The following GRID2 variants were observed in gnomAD, a reference collection of about 807,000 sequenced individuals.
GRID2 encodes the protein glutamate ionotropic receptor delta type subunit 2, also known as glutamate receptor ionotropic, delta-2.
GRID2 carries 33 observed loss-of-function variants against 114.8 expected under a neutral mutation model. The observed-to-expected ratio is 0.29, with a 90% CI of 0.22 to 0.38. GRID2 has a LOEUF of 0.38. Among genes scored for constraint, GRID2 ranks in the 10% least tolerant of loss-of-function variants. GRID2 has a pLI of 1.00. For missense variants in GRID2, 1,184 were observed against 1,257.7 expected (o/e 0.94, Z 0.89); for synonymous variants, 505 against 449.9 (o/e 1.12, Z -1.55).
At chr4:93,471,106 T>A (rs1252695006) in intron 11 of GRID2, among the ~76,000 whole-genome samples, 1 of 152,092 alleles carries the variant, frequency 6.6e-6, no homozygotes, top group African/African-American at 2.4e-5. Context: ...AAATAAGATA[T>A]TAAAATATAG....
intron 2 of GRID2, among the ~76,000 whole-genome samples, chr4:92,804,996 TA>T (rs1226224899): frequency 1.3e-5 from 2 of 152,042 alleles, no homozygotes; most frequent in East Asian, 1.9e-4. Context: ...TACTGGCTAA[TA>T]TTTCTTCTGA....
At chr4:93,249,980 C>A (rs1191281371) in intron 8 of GRID2, among the ~76,000 whole-genome samples, 1 of 152,152 alleles carries the variant, frequency 6.6e-6, no homozygotes, top group Non-Finnish European at 1.5e-5. Context: ...TTTGACCCAG[C>A]AATCCCATTA....
At chr4:92,635,617 A>G (rs1489383134) in intron 2 of GRID2, among the ~76,000 whole-genome samples, 1 of 152,084 alleles carries the variant, frequency 6.6e-6, no homozygotes, top group Non-Finnish European at 1.5e-5. Context: ...TTTAGGAAAG[A>G]AAATACGTTG....
intron 8 of GRID2, among the ~76,000 whole-genome samples, chr4:93,375,748 A>T (rs1218000868): frequency 6.6e-6 from 1 of 152,210 alleles, no homozygotes; most frequent in Non-Finnish European, 1.5e-5. Flanking sequence ...TTAATCAAAT[A>T]ATTACTGAAG....
chr4:92,614,887 A>G (rs1005527735), intron 2 of GRID2, among the ~76,000 whole-genome samples: 5 of 149,926 alleles, frequency 3.3e-5, no homozygotes, highest in African/African-American at 1.2e-4. Context: ...TCAGGTATTT[A>G]CATGTTTAGA....
intron 1 of GRID2, among the ~76,000 whole-genome samples, chr4:92,501,920 A>G (rs545794541): frequency 6.6e-6 from 1 of 152,306 alleles, no homozygotes; most frequent in East Asian, 1.9e-4. Flanking sequence ...TTGTTTCTGG[A>G]TATAGGCATA....
intron 1 of GRID2, among the ~76,000 whole-genome samples, chr4:92,537,783 C>CGG (rs35878323): frequency 0.012 from 977 of 79,430 alleles, 6 homozygotes; most frequent in African/African-American, 0.031. Flanking sequence ...CAAAAACTTG[C>CGG]GGTGTGTGTG....
At chr4:93,599,109 C>A (rs1739414361) in intron 13 of GRID2, among the ~76,000 whole-genome samples, 1 of 152,166 alleles carries the variant, frequency 6.6e-6, no homozygotes, top group African/African-American at 2.4e-5. Flanking sequence ...GGAAATGATA[C>A]TGTCTCCTTT....
chr4:93,677,951 G>GAGA (rs369489515), intron 14 of GRID2, among the ~76,000 whole-genome samples: 83,835 of 149,004 alleles, frequency 0.56, 25,084 homozygotes, highest in African/African-American at 0.78. Context: ...GACGAGTTGA[G>GAGA]AGAAGGCTTC....
chr4:93,666,161 C>A (rs2149744532), intron 14 of GRID2, among the ~76,000 whole-genome samples: 1 of 152,154 alleles, frequency 6.6e-6, no homozygotes, highest in Non-Finnish European at 1.5e-5. Context: ...TAGTTTTTAT[C>A]TGCTATGTCT....
chr4:93,376,828 G>A (rs544581838), intron 8 of GRID2, among the ~76,000 whole-genome samples: 1 of 152,282 alleles, frequency 6.6e-6, no homozygotes, highest in African/African-American at 2.4e-5. Context: ...CCGGGGTGGA[G>A]TGCAGAGAGG....
intron 1 of GRID2, among the ~76,000 whole-genome samples, chr4:92,363,006 G>GAGA (rs35970625): frequency 0.19 from 28,314 of 151,842 alleles, 3,790 homozygotes; most frequent in African/African-American, 0.39. Context: ...TCAGAAGAGA[G>GAGA]AGGAGAAAAA....
chr4:93,196,511 T>TC (rs1741507441), intron 4 of GRID2, among the ~76,000 whole-genome samples: 1 of 152,036 alleles, frequency 6.6e-6, no homozygotes, highest in Non-Finnish European at 1.5e-5. Context: ...GAAAGCAAAA[T>TC]CCCCATGTAA....
At chr4:92,951,159 G>T (rs1752003535) in intron 2 of GRID2, among the ~76,000 whole-genome samples, 2 of 151,864 alleles carry the variant, frequency 1.3e-5, no homozygotes, top group Admixed American at 1.3e-4. Flanking sequence ...GTTTTCTGAT[G>T]TTTTCACTAC....
intron 2 of GRID2, 67 bp downstream of exon 2, chr4:92,590,353 GA>G: frequency 8.9e-7 from 1 of 1,121,902 alleles, no homozygotes; most frequent in Non-Finnish European, 1.3e-6. Flanking sequence ...TATCTTTGAT[GA>G]AACTTATTAA....
chr4:92,469,667 T>C (rs1721930179), intron 1 of GRID2, among the ~76,000 whole-genome samples: 1 of 151,048 alleles, frequency 6.6e-6, no homozygotes, highest in Admixed American at 6.6e-5. Context: ...AAGAGAGTAA[T>C]AGAAAGAAAG....
chr4:93,757,082 G>A (rs1732812287), intron 14 of GRID2, among the ~76,000 whole-genome samples: 2 of 152,306 alleles, frequency 1.3e-5, no homozygotes, highest in South Asian at 4.1e-4. Flanking sequence ...CTTCACAGAA[G>A]CATGAGAAAA....
At chr4:93,737,349 C>A (rs572603556) in intron 14 of GRID2, among the ~76,000 whole-genome samples, 1 of 152,072 alleles carries the variant, frequency 6.6e-6, no homozygotes, top group South Asian at 2.1e-4. Context: ...ATGATCCTAC[C>A]TTCTACACCT....
At chr4:92,477,038 CATGTGTGTGTGTGTGTGT>C (rs1193996159) in intron 1 of GRID2, among the ~76,000 whole-genome samples, 1,580 of 104,864 alleles carry the variant, frequency 0.015, 39 homozygotes, top group African/African-American at 0.05. Flanking sequence ...GATTTAACTT[CATGTGTGTGTGTGTGTGT>C]GTGTGTGTGT....
Sources: gnomAD v4.1 joint callset for allele counts (sites outside exome capture counted in the v4.1 genomes callset) on GRCh38, gnomAD v4.1.1 for gene constraint, MANE v1.5 for transcripts, NCBI Gene and HGNC (gene_info 2026-07-23, HGNC 2026-07-21) for gene names.